The following SYNE2 variants were observed in gnomAD, a reference collection of about 807,000 sequenced individuals.
SYNE2 encodes nesprin-2.
Under a neutral mutation model 856.3 loss-of-function variants are expected in SYNE2, and 431 were observed. The ratio of observed to expected loss-of-function variants is 0.50; its 90% CI spans 0.47 to 0.55. The LOEUF is 0.55. Ranked by LOEUF, SYNE2 falls within the 20% of genes least tolerant of loss-of-function variation. The pLI is 0.00. For missense variants in SYNE2, 8,129 were observed against 8,023.2 expected, an observed-to-expected ratio of 1.01 and a Z score of -0.50; for synonymous variants, 2,923 against 2,872.3, an observed-to-expected ratio of 1.02 and a Z score of -0.56.
chr14:63,831,460 G>GT (rs1279332702), intron 1 of SYNE2, among the ~76,000 whole-genome samples: 1 of 145,864 alleles, frequency 6.9e-6, no homozygotes, highest in African/African-American at 2.5e-5. Flanking sequence ...TTTAGCTTGT[G>GT]TATTTGTCTG....
rs2097945329 is a variant in SYNE2 at position 64,126,361 on chromosome 14, A to G, written c.13589A>G (p.Asp4530Gly). 2 of 1,613,924 alleles carry G rather than the reference A, an allele frequency of 1.2e-6. No individual in the cohort carries two copies. Among genetic ancestry groups the G allele is most frequent in the African/African-American group, 2.7e-5 (2 of 74,898 alleles). The part of the protein sequence containing the change: ...NMTEEAYINL[D>G]KKLFELFLTL... The stretch of plus-strand genomic sequence containing the variant: ...ACAGAAGAAGCATATATCAATTTGG[A>G]TAAAAAATTGTTTGAACTATTCCTG... The change falls in exon 72 of 116, where the codon GAT (aspartate) becomes GGT (glycine). Residue 4530 changes from aspartate (D) to glycine (G), a missense_variant. Asp to Gly is a moderately conservative substitution (Grantham distance 94, BLOSUM62 -1). Coordinates refer to ENST00000555002, the MANE Select transcript of SYNE2 (RefSeq NM_182914.3).
At chr14:64,031,416 C>G in intron 45 of SYNE2, 59 bp downstream of exon 45, 1 of 1,494,368 alleles carries the variant, frequency 6.7e-7, no homozygotes, top group South Asian at 1.1e-5. Flanking sequence ...AGGTATTTGG[C>G]TCTGAAAAGA....
chr14:64,184,329 G>GGGGT lies in SYNE2; in HGVS notation c.17557-2094_17557-2093insGGTG, dbSNP rs1555532246. 4.8e-4 allele frequency among the ~76,000 whole-genome samples: 69 copies of GGGGT among 144,256 alleles called. No homozygotes were observed. In the East Asian group the frequency reaches 5.8e-3, roughly 12 times the overall value. 94.6% of individuals were successfully genotyped at this position (144,256 alleles called of 152,430 possible). ...CAGAGAGCCACACTGTATGCATAGG[G>GGGGT]GTGTGTGTGTGTGTGTGTGTGTGTG... On this transcript the variant is annotated intron_variant, in intron 96 of 115. Transcript: ENST00000555002.
chr14:64,129,820 G>C lies in SYNE2; in HGVS notation c.14058G>C (p.Glu4686Asp), dbSNP rs2097994885. Reference protein sequence around the residue: ...DAYTVELENAESRVAKLRDEG... With the variant: ...DAYTVELENADSRVAKLRDEG... ...ATACAGTGGAGCTGGAGAACGCCGA[G>C]AGCCGAGTGGCCAAACTAAGAGATG... The change falls in exon 75 of 116, where the codon GAG becomes GAC. Residue 4686 changes from glutamate (E) to aspartate (D), a missense_variant. Glu to Asp is a conservative substitution (Grantham distance 45). Around this residue, in one of 3 missense-constraint regions of SYNE2, gnomAD observed 5,410 missense variants for 5,284.8 expected, o/e 1.02. Coordinates refer to ENST00000555002, the MANE Select transcript of SYNE2 (RefSeq NM_182914.3). 1 of 1,614,182 alleles carries C rather than the reference G, an allele frequency of 6.2e-7. No individual in the cohort carries two copies. The highest frequency in any genetic ancestry group is 8.5e-7 in the Non-Finnish European group (1 of 1,180,022).
intron 63 of SYNE2, among the ~76,000 whole-genome samples, chr14:64,100,615 A>G (rs2097720710): frequency 7.1e-6 from 1 of 140,570 alleles, no homozygotes; most frequent in African/African-American, 2.6e-5. Flanking sequence ...GTATATATGC[A>G]TTGTGGAATG....
At chr14:63,837,241 G>C (rs1369571368) in intron 1 of SYNE2, among the ~76,000 whole-genome samples, 1 of 152,160 alleles carries the variant, frequency 6.6e-6, no homozygotes, top group Non-Finnish European at 1.5e-5. Flanking sequence ...TGAATATTCA[G>C]ATGCAAAAGA....
intron 98 of SYNE2, among the ~76,000 whole-genome samples, chr14:64,189,638 C>T (rs375490809): frequency 2.0e-5 from 3 of 152,198 alleles, no homozygotes; most frequent in Non-Finnish European, 4.4e-5. Flanking sequence ...GCCTGATGCG[C>T]GTTGCCTGAC....
intron 1 of SYNE2, among the ~76,000 whole-genome samples, chr14:63,799,788 T>C (rs1888060151): frequency 6.6e-6 from 1 of 152,234 alleles, no homozygotes; most frequent in African/African-American, 2.4e-5. Flanking sequence ...TTTCTTCCAG[T>C]AGATGTCAGT....
chr14:64,183,015 G>GAC, intron 96 of SYNE2, among the ~76,000 whole-genome samples: 1 of 98,394 alleles, frequency 1.0e-5, no homozygotes, highest in African/African-American at 7.0e-5. Flanking sequence ...GCCAGGCGGG[G>GAC]GCTGCCCCCG....
chr14:64,113,407 A>G lies in SYNE2; in HGVS notation c.12676A>G (p.Arg4226Gly), dbSNP rs779857192. The change falls in exon 66 of 116, where the codon AGG becomes GGG. Residue 4226 changes from arginine (R) to glycine (G), a missense_variant. This residue lies in a region of SYNE2 where 5,410 missense variants were observed against 5,284.8 expected (regional missense o/e 1.02). Transcript: ENST00000555002. Reference protein sequence around the residue: ...SSDAQGGLEPRVEKTRPEPTE... With the variant: ...SSDAQGGLEPGVEKTRPEPTE... ...TGACGCGCAAGGAGGTTTGGAGCCC[A>G]GGGTGGAGAAAACTAGGCCGGAGCC... 1 of 1,614,174 alleles carries G rather than the reference A, an allele frequency of 6.2e-7. No homozygotes were observed. Among genetic ancestry groups the G allele is most frequent in the Admixed American group, 1.7e-5 (1 of 60,024 alleles).
rs2098160592 is a variant in SYNE2, at chr14:64,143,855, A to AGAAAGCAAGCGCTAT, written c.15396_15410dup (p.Ser5132_Glu5136dup). The AGAAAGCAAGCGCTAT allele has an allele frequency of 1.2e-6, 2 of 1,614,122 alleles. No homozygotes were observed. The highest frequency in any genetic ancestry group is 1.7e-6 in the Non-Finnish European group (2 of 1,180,040). ...TACTTCAGCTAAGCACCTGTGATGT[A>AGAAAGCAAGCGCTAT]GAAAGCAAGCGCTATGAAAGAACGG... On this transcript the variant is annotated inframe_insertion, in exon 83 of 116. Transcript: ENST00000555002.
chr14:64,154,299 CAAAG>C (rs1425908698), intron 85 of SYNE2, among the ~76,000 whole-genome samples: 4 of 151,604 alleles, frequency 2.6e-5, no homozygotes, highest in East Asian at 3.9e-4. Flanking sequence ...CGTAAGCTAT[CAAAG>C]AAAAAAATAG....
In SYNE2 at chr14:64,225,982, T is replaced by TAATA. The variant is rs1212195631; in HGVS notation, c.*457_*460dup. 3.6e-6 allele frequency: 1 copy of TAATA among 278,914 alleles called. No individual in the cohort carries two copies. Among genetic ancestry groups the TAATA allele is most frequent in the Admixed American group, 4.8e-5 (1 of 21,012 alleles). 17.3% of individuals were successfully genotyped at this position (278,914 alleles called of 1,614,324 possible). A position where few individuals can be genotyped will look rare whatever the true frequency, so the allele number is the denominator to read the frequency against. On this transcript the variant is annotated 3_prime_UTR_variant, in exon 116 of 116. Coordinates refer to ENST00000555002, the MANE Select transcript of SYNE2 (RefSeq NM_182914.3). ...GCTGATGGAAACAATCAATCATATT[T>TAATA]AATACGCTTAGAATCAGTTTTACTC...
chr14:64,136,597 CTG>C (rs1337720755), intron 78 of SYNE2, among the ~76,000 whole-genome samples: 1 of 152,094 alleles, frequency 6.6e-6, no homozygotes, highest in African/African-American at 2.4e-5. Flanking sequence ...CTGAATCCAG[CTG>C]TGTTAGATAA....
intron 53 of SYNE2, among the ~76,000 whole-genome samples, chr14:64,074,563 A>G (rs1432391298): frequency 6.6e-6 from 1 of 152,192 alleles, no homozygotes; most frequent in African/African-American, 2.4e-5. Context: ...TTCCAGTCCA[A>G]TAGTGACAGC....
chr14:63,880,113 C>G (rs562583177), intron 1 of SYNE2, among the ~76,000 whole-genome samples: 1 of 151,932 alleles, frequency 6.6e-6, no homozygotes, highest in Non-Finnish European at 1.5e-5. Flanking sequence ...TTTTTTGAGA[C>G]AGGATCTTAC....
intron 49 of SYNE2, among the ~76,000 whole-genome samples, chr14:64,058,330 G>A (rs1264891685): frequency 6.6e-6 from 1 of 152,012 alleles, no homozygotes; most frequent in African/African-American, 2.4e-5. Flanking sequence ...CATTTTTCTG[G>A]ATGAAGATAT....
intron 1 of SYNE2, among the ~76,000 whole-genome samples, chr14:63,785,194 C>T (rs551524908): frequency 6.6e-6 from 1 of 152,116 alleles, no homozygotes; most frequent in Non-Finnish European, 1.5e-5. Flanking sequence ...GGCACGGTGG[C>T]TCACACCTGT....
chr14:63,950,124 T>C, intron 7 of SYNE2, 118 bp downstream of exon 7: 2 of 1,153,062 alleles, frequency 1.7e-6, no homozygotes, highest in Admixed American at 3.5e-5. Flanking sequence ...CCCCTTCCTC[T>C]CTGTGCTTCT....
Sources: allele counts gnomAD v4.1 joint callset (sites outside exome capture counted in the v4.1 genomes callset), GRCh38; gene constraint gnomAD v4.1.1; regional missense constraint gnomAD v4.1.1; transcripts MANE v1.5; gene names NCBI Gene and HGNC (gene_info 2026-07-23, HGNC 2026-07-21).